Variants in EOMES observed in about 807,000 individuals in gnomAD.
EOMES encodes the protein eomesodermin, also known as eomesodermin homolog.
Under a neutral mutation model 61.0 loss-of-function variants are expected in EOMES, and 18 were observed. The ratio of observed to expected loss-of-function variants is 0.30; its 90% CI spans 0.20 to 0.44. The LOEUF (loss-of-function observed/expected upper bound fraction) is 0.44, where lower values mean the gene tolerates loss of function less well. Among genes scored for constraint, EOMES ranks in the 20% least tolerant of loss-of-function variants. The pLI, the probability that EOMES is intolerant of heterozygous loss-of-function variation, is 1.00. For missense variants in EOMES, 885 were observed against 939.2 expected, an observed-to-expected ratio of 0.94 and a Z score of 0.75; for synonymous variants, 430 against 394.0, an observed-to-expected ratio of 1.09 and a Z score of -1.08.
rs200215171 is a variant in EOMES at position 27,721,859 on chromosome 3, G to A, written c.436C>T (p.Leu146Phe). Residue 146 changes from leucine (L) to phenylalanine (F), a missense_variant, in exon 1 of 6, where the codon CTC becomes TTC. By Grantham distance (22) the Leu-to-Phe change is conservative. Transcript: ENST00000449599. This position sits in a 1 kb window ranked among gnomAD's most constrained non-coding sequence, Gnocchi z 7.4. Reference protein sequence around the residue: ...MDSLSSERYYLQSPGPQGSEL... With the variant: ...MDSLSSERYYFQSPGPQGSEL... ...GACCCCTGAGGACCGGGGGACTGGA[G>A]GTAGTACCGCTCGGAGCTCAGGCTG... 5.8e-4 allele frequency: 874 copies of A among 1,510,968 alleles called. 5 individuals are homozygous for A. The highest frequency in any genetic ancestry group is 4.3e-3 in the Middle Eastern group (19 of 4,406). The allele number at this position is 1,510,968 out of a possible 1,614,324, so 93.6% of individuals were successfully genotyped here.
chr3:27,717,348 T>A lies in EOMES; in HGVS notation c.1840A>T (p.Thr614Ser). The change falls in exon 6 of 6, where the codon ACA (threonine) becomes TCA (serine). Residue 614 changes from threonine (T) to serine (S), a missense_variant. Around this residue, in one of 3 missense-constraint regions of EOMES, gnomAD observed 259 missense variants for 282.3 expected, o/e 0.92. Transcript: ENST00000449599. The surrounding 1 kb of genome is among the most constrained non-coding windows in gnomAD (Gnocchi z 4.5). Reference protein sequence around the residue: ...MAAGLPWTSRTSPTVFSEDQL... With the variant: ...MAAGLPWTSRSSPTVFSEDQL... Reference sequence around the variant, plus strand: ...TCTTCAGAGAACACAGTGGGGCTTGTTCTGGAGGTCCATGGTAGTCCAGCT... The same window carrying A: ...TCTTCAGAGAACACAGTGGGGCTTGATCTGGAGGTCCATGGTAGTCCAGCT... The A allele has an allele frequency of 6.2e-7, 1 of 1,614,228 alleles. No homozygotes were observed. Among genetic ancestry groups the A allele is most frequent in the Non-Finnish European group, 8.5e-7 (1 of 1,180,034 alleles).
In EOMES at chr3:27,721,595, T is replaced by C. The variant is rs2060613695; in HGVS notation, c.700A>G (p.Ser234Gly). The change falls in exon 1 of 6, where the codon AGC becomes GGC. Residue 234 changes from serine to glycine, a missense_variant. Transcript: ENST00000449599. The surrounding 1 kb of genome is among the most constrained non-coding windows in gnomAD (Gnocchi z 7.4). ...GGCCCGTAGAGCGGAGCCCCCTGGCTGTACTGATAGGTGCCCGGGCCGCCG... is the reference window on the plus strand; with the variant it reads ...GGCCCGTAGAGCGGAGCCCCCTGGCCGTACTGATAGGTGCCCGGGCCGCCG... ...GGGGPGTYQYSQGAPLYGPYP... is the reference protein window; with the variant it reads ...GGGGPGTYQYGQGAPLYGPYP... 1 of 1,566,252 alleles carries C rather than the reference T, an allele frequency of 6.4e-7. No homozygotes were observed. Among genetic ancestry groups the C allele is most frequent in the African/African-American group, 1.3e-5 (1 of 74,142 alleles).
chr3:27,720,000 A>C (rs1036133410), intron 2 of EOMES, among the ~76,000 whole-genome samples, 171 bp downstream of exon 2: 2 of 152,122 alleles, frequency 1.3e-5, no homozygotes, highest in Non-Finnish European at 2.9e-5. Context: ...TGACTTAGCA[A>C]ACTCTCCTCT....
Position 27,721,911 on chromosome 3 carries a change from AGCC to A in EOMES, c.381_383del (p.Ala130del). ...CCATGGAGTAGCGCGCAGTGGCCGC[AGCC>A]GCGGCGGCGGCGGCGGCGGCGGCTG... On this transcript the variant is annotated inframe_deletion, in exon 1 of 6. Coordinates refer to ENST00000449599, the MANE Select transcript of EOMES (RefSeq NM_001278182.2). This position sits in a 1 kb window ranked among gnomAD's most constrained non-coding sequence, Gnocchi z 7.4. The A allele has an allele frequency of 7.7e-7, 1 of 1,304,204 alleles. No homozygotes were observed. Among genetic ancestry groups the A allele is most frequent in the Non-Finnish European group, 9.9e-7 (1 of 1,012,058 alleles). The allele number at this position is 1,304,204 out of a possible 1,614,324, so 80.8% of individuals were successfully genotyped here.
rs1051663013 is a variant in EOMES at position 27,720,267 on chromosome 3, T to C, written c.940A>G (p.Asn314Asp). 2 of 1,613,070 alleles carry C rather than the reference T, an allele frequency of 1.2e-6. No homozygotes were observed. Among genetic ancestry groups the C allele is most frequent in the African/African-American group, 1.3e-5 (1 of 74,792 alleles). Residue 314 changes from asparagine to aspartate, a missense_variant, in exon 2 of 6, where the codon AAT becomes GAT. Transcript: ENST00000449599. ...GCCAGCACCACCTCTACGAACACATTGTAGTGGGCAGTGGGATTGAGTCCG... is the reference window on the plus strand; with the variant it reads ...GCCAGCACCACCTCTACGAACACATCGTAGTGGGCAGTGGGATTGAGTCCG... The part of the protein sequence containing the change: ...INGLNPTAHY[N>D]VFVEVVLADP...
At position 27,718,840 on chromosome 3, in the gene EOMES, T is replaced by C; in HGVS notation, c.1212A>G (p.Glu404=). ...AGTCCTCCACGCCATCCTCTGTAAC[T>C]TCAACAATATGCAGTCGGGGTTGGT... ...HKYQPRLHIV[E]VTEDGVEDLN... Residue 404 remains glutamate, a synonymous_variant, in exon 4 of 6, where the codon GAA becomes GAG. Coordinates refer to ENST00000449599, the MANE Select transcript of EOMES (RefSeq NM_001278182.2). The C allele has an allele frequency of 6.2e-7, 1 of 1,614,062 alleles. No homozygotes were observed. Among genetic ancestry groups the C allele is most frequent in the South Asian group, 1.1e-5 (1 of 91,086 alleles).
chr3:27,719,305 A>G (rs891464714), intron 3 of EOMES, 55 bp downstream of exon 3: 12 of 1,573,908 alleles, frequency 7.6e-6, no homozygotes, highest in East Asian at 4.5e-5. Flanking sequence ...CTCTTATTAG[A>G]AAAAAGCCTT....
At chr3:27,719,098 G>C (rs1251344932) in intron 3 of EOMES, among the ~76,000 whole-genome samples, 1 of 151,318 alleles carries the variant, frequency 6.6e-6, no homozygotes, top group East Asian at 1.9e-4. Flanking sequence ...ATGTGGTTGT[G>C]ATAGATATGC....
In EOMES at chr3:27,717,703, G is replaced by T; in HGVS notation, c.1485C>A (p.Phe495Leu). 6.2e-7 allele frequency: 1 copy of T among 1,614,052 alleles called. No individual in the cohort carries two copies. The highest frequency in any genetic ancestry group is 1.1e-5 in the South Asian group (1 of 91,066). The change falls in exon 6 of 6, where the codon TTC becomes TTA. Residue 495 changes from phenylalanine (F) to leucine (L), a missense_variant. Around this residue, in one of 3 missense-constraint regions of EOMES, gnomAD observed 259 missense variants for 282.3 expected, o/e 0.92. Coordinates refer to ENST00000449599, the MANE Select transcript of EOMES (RefSeq NM_001278182.2). This position sits in a 1 kb window ranked among gnomAD's most constrained non-coding sequence, Gnocchi z 4.5. ...GTAAAGTGTTGACAAAGGGCTCCGGGAAGAAGGATTGAACGCCGTACCGAC... is the reference window on the plus strand; with the variant it reads ...GTAAAGTGTTGACAAAGGGCTCCGGTAAGAAGGATTGAACGCCGTACCGAC... ...PGGRYGVQSFFPEPFVNTLPQ... is the reference protein window; with the variant it reads ...PGGRYGVQSFLPEPFVNTLPQ...
At position 27,721,936 on chromosome 3, in the gene EOMES, G is replaced by GCTGCGC; in HGVS notation, c.358_359insGCGCAG (p.Ala119_Ala120insGlyAla). 7.3e-7 allele frequency: 1 copy of GCTGCGC among 1,364,098 alleles called. No homozygotes were observed. Among genetic ancestry groups the GCTGCGC allele is most frequent in the Non-Finnish European group, 9.4e-7 (1 of 1,065,956 alleles). The allele number at this position is 1,364,098 out of a possible 1,614,324, so 84.5% of individuals were successfully genotyped here. ...AGCCGCGGCGGCGGCGGCGGCGGCG[G>GCTGCGC]CTGCAGCGGCGGAGGGCAGCTCCTC... On this transcript the variant is annotated inframe_insertion, in exon 1 of 6. Coordinates refer to ENST00000449599, the MANE Select transcript of EOMES (RefSeq NM_001278182.2). This position sits in a 1 kb window ranked among gnomAD's most constrained non-coding sequence, Gnocchi z 7.4.
intron 1 of EOMES, among the ~76,000 whole-genome samples, chr3:27,720,531 CAAAAAAAAAAAAAAAAAAAAA>C (rs757181277): frequency 1.3e-3 from 81 of 62,314 alleles, no homozygotes; most frequent in African/African-American, 1.7e-3. Context: ...TCCGTCTTTT[CAAAAAAAAAAAAAAAAAAAAA>C]AAAAAAAAAA....
Position 27,720,498 on chromosome 3 carries a change from G to T in EOMES, c.882-173C>A, listed in dbSNP as rs1027152034. ...GTCTGAAACTATGTAAAATATTTTT[G>T]AGTTGGCAACTCTTGGAACCTTTCC... On this transcript the variant is annotated intron_variant, in intron 1 of 5. Coordinates refer to ENST00000449599, the MANE Select transcript of EOMES (RefSeq NM_001278182.2). 8.4e-5 allele frequency among the ~76,000 whole-genome samples: 10 copies of T among 118,472 alleles called. No homozygotes were observed. The East Asian group carries it at 2.8e-3, about 33-fold the overall frequency. The allele number at this position is 118,472 out of a possible 152,430, so 77.7% of individuals were successfully genotyped here.
rs770311494 is a variant in EOMES at position 27,722,058 on chromosome 3, C to T, written c.237G>A (p.Met79Ile). 45 of 1,545,434 alleles carry T rather than the reference C, an allele frequency of 2.9e-5. No individual in the cohort carries two copies. In the South Asian group the frequency reaches 4.7e-4, roughly 16 times the overall value. The change falls in exon 1 of 6, where the codon ATG becomes ATA. Residue 79 changes from methionine (M) to isoleucine (I), a missense_variant. Around this residue, in one of 3 missense-constraint regions of EOMES, gnomAD observed 449 missense variants for 383.6 expected, o/e 1.17. Coordinates refer to ENST00000449599, the MANE Select transcript of EOMES (RefSeq NM_001278182.2). The part of the protein sequence containing the change: ...AAASAGAPAA[M>I]LSDTDAGDAF... Reference sequence around the variant, plus strand: ...CGTCCCCGGCGTCGGTGTCACTAAGCATGGCCGCGGGGGCCCCTGCGCTGG... The same window carrying T: ...CGTCCCCGGCGTCGGTGTCACTAAGTATGGCCGCGGGGGCCCCTGCGCTGG...
chr3:27,721,793 C>T lies in EOMES; in HGVS notation c.502G>A (p.Ala168Thr). 2 of 1,503,566 alleles carry T rather than the reference C, an allele frequency of 1.3e-6. No individual in the cohort carries two copies. The highest frequency in any genetic ancestry group is 1.8e-6 in the Non-Finnish European group (2 of 1,137,718). 93.1% of individuals were successfully genotyped at this position (1,503,566 alleles called of 1,614,324 possible). A position where few individuals can be genotyped will look rare whatever the true frequency, so the allele number is the denominator to read the frequency against. Residue 168 changes from alanine (A) to threonine (T), a missense_variant, in exon 1 of 6, where the codon GCG becomes ACG. Ala to Thr is a moderately conservative substitution (Grantham distance 58). Coordinates refer to ENST00000449599, the MANE Select transcript of EOMES (RefSeq NM_001278182.2). This position sits in a 1 kb window ranked among gnomAD's most constrained non-coding sequence, Gnocchi z 7.4. ...APCSLFPYQA[A>T]AGAPHGPVYP... ...ACAGGTCCGTGGGGCGCCCCAGCCG[C>T]CGCCTGGTACGGGAAGAGTGAGCAG...
Position 27,721,919 on chromosome 3 carries a change from C to CGGT in EOMES, c.375_376insACC (p.Ala125_Ala126insThr), listed in dbSNP as rs1195000910. On this transcript the variant is annotated inframe_insertion, in exon 1 of 6. Transcript: ENST00000449599. The surrounding 1 kb of genome is among the most constrained non-coding windows in gnomAD (Gnocchi z 7.4). ...TAGCGCGCAGTGGCCGCAGCCGCGGCGGCGGCGGCGGCGGCGGCTGCAGCG... is the reference window on the plus strand; with the variant it reads ...TAGCGCGCAGTGGCCGCAGCCGCGGCGGTGGCGGCGGCGGCGGCGGCTGCAGCG... 36 of 1,351,650 alleles carry CGGT rather than the reference C, an allele frequency of 2.7e-5. No individual in the cohort carries two copies. Among genetic ancestry groups the CGGT allele is most frequent in the South Asian group, 4.2e-5 (2 of 47,532 alleles). 83.7% of individuals were successfully genotyped at this position (1,351,650 alleles called of 1,614,324 possible).
chr3:27,720,298 G>C lies in EOMES; in HGVS notation c.909C>G (p.Asn303Lys), dbSNP rs1247512523. The change falls in exon 2 of 6, where the codon AAC becomes AAG. Residue 303 changes from asparagine (N) to lysine (K), a missense_variant. Physicochemically the swap from Asn to Lys is moderately conservative, Grantham distance 94. Around this residue, in one of 3 missense-constraint regions of EOMES, gnomAD observed 177 missense variants for 273.3 expected, o/e 0.65. Coordinates refer to ENST00000449599, the MANE Select transcript of EOMES (RefSeq NM_001278182.2). ...GGGCAGTGGGATTGAGTCCGTTTAT[G>C]TTGAAGCTCAAGAAAGGAAACATGC... Reference protein sequence around the residue: ...GRRMFPFLSFNINGLNPTAHY... With the variant: ...GRRMFPFLSFKINGLNPTAHY... 6.2e-7 allele frequency: 1 copy of C among 1,613,930 alleles called. No homozygotes were observed. The highest frequency in any genetic ancestry group is 2.2e-5 in the East Asian group (1 of 44,874).
rs766497359 is a variant in EOMES at position 27,718,542 on chromosome 3, C to T, written c.1379+45G>A. The T allele has an allele frequency of 2.4e-5, 31 of 1,311,612 alleles. No individual in the cohort carries two copies. The East Asian group carries it at 5.6e-4, about 24-fold the overall frequency. 81.2% of individuals were successfully genotyped at this position (1,311,612 alleles called of 1,614,324 possible). A position where few individuals can be genotyped will look rare whatever the true frequency, so the allele number is the denominator to read the frequency against. The stretch of plus-strand genomic sequence containing the variant: ...AGCAAAGTGCCTGTTGATGTATGTC[C>T]TGCTCAGAGATGATCAGGCAAGTGT... On this transcript the variant is annotated intron_variant, in intron 5 of 5. Coordinates refer to ENST00000449599, the MANE Select transcript of EOMES (RefSeq NM_001278182.2).
At chr3:27,718,916 T>A in intron 3 of EOMES, 23 bp from the exon 4 acceptor site, 1 of 1,573,912 alleles carries the variant, frequency 6.4e-7, no homozygotes, top group Non-Finnish European at 8.6e-7. Flanking sequence ...CAGAAAAAAA[T>A]TGCTAAATCT....
rs777311354 is a variant in EOMES at position 27,721,627 on chromosome 3, C to T, written c.668G>A (p.Gly223Asp). 26 of 1,542,362 alleles carry T rather than the reference C, an allele frequency of 1.7e-5. No homozygotes were observed. Among genetic ancestry groups the T allele is most frequent in the Non-Finnish European group, 2.3e-5 (26 of 1,147,592 alleles). ...ATAGGTGCCCGGGCCGCCGCCCCCG[C>T]CGCTGCTACCGCCCGCGCCACTGCC... The part of the protein sequence containing the change: ...GAGSGAGGSS[G>D]GGGGPGTYQY... The change falls in exon 1 of 6, where the codon GGC (glycine) becomes GAC (aspartate). Residue 223 changes from glycine to aspartate, a missense_variant. By Grantham distance (94) the Gly-to-Asp change is moderately conservative (BLOSUM62 -1). Around this residue, in one of 3 missense-constraint regions of EOMES, gnomAD observed 449 missense variants for 383.6 expected, o/e 1.17. Coordinates refer to ENST00000449599, the MANE Select transcript of EOMES (RefSeq NM_001278182.2). The surrounding 1 kb of genome is among the most constrained non-coding windows in gnomAD (Gnocchi z 7.4).
Sources: gnomAD v4.1 joint callset for allele counts (sites outside exome capture counted in the v4.1 genomes callset) on GRCh38, gnomAD v4.1.1 for gene constraint, gnomAD v4.1.1 regional missense constraint, Gnocchi (gnomAD v3.1) non-coding constraint, MANE v1.5 for transcripts, NCBI Gene and HGNC (gene_info 2026-07-23, HGNC 2026-07-21) for gene names.